Variants in ARHGAP32 observed in about 807,000 individuals in gnomAD.
ARHGAP32 encodes the protein Rho GTPase activating protein 32, also known as rho GTPase-activating protein 32.
Under a neutral mutation model 186.5 loss-of-function variants are expected in ARHGAP32, and 51 were observed. The ratio of observed to expected loss-of-function variants is 0.27; its 90% CI spans 0.22 to 0.35. The LOEUF (loss-of-function observed/expected upper bound fraction) is 0.35. Ranked by LOEUF, ARHGAP32 falls within the 10% of genes least tolerant of loss-of-function variation. The pLI is 1.00. For missense variants in ARHGAP32, 2,186 were observed against 2,623.5 expected, an observed-to-expected ratio of 0.83 and a Z score of 3.64; for synonymous variants, 950 against 964.3, an observed-to-expected ratio of 0.99 and a Z score of 0.27.
chr11:129,136,332 C>T (rs1056200798), intron 2 of ARHGAP32, among the ~76,000 whole-genome samples: 1 of 152,058 alleles, frequency 6.6e-6, no homozygotes, highest in Non-Finnish European at 1.5e-5. Context: ...ACAACGATTA[C>T]CTTTGGTGGG....
chr11:129,159,578 A>G (rs753171034), intron 2 of ARHGAP32, among the ~76,000 whole-genome samples: 46 of 152,048 alleles, frequency 3.0e-4, no homozygotes, highest in Non-Finnish European at 6.6e-4. Context: ...AGTAATTAAT[A>G]GCCTACCTAC....
At chr11:129,227,015 C>T (rs926776464) in intron 1 of ARHGAP32, among the ~76,000 whole-genome samples, 1 of 151,912 alleles carries the variant, frequency 6.6e-6, no homozygotes, top group African/African-American at 2.4e-5. Flanking sequence ...TTCTTTTCTT[C>T]TTCTACCTAA....
At position 129,123,581 on chromosome 11, in the gene ARHGAP32, A is replaced by G; in HGVS notation, c.360-51T>C. ...ACGAGATAGTGAAACAGTAAAAATT[A>G]CTAAGTTTAAGGGAAAAATACAGTG... is the stretch of plus-strand genomic sequence containing the variant. On this transcript the variant is annotated intron_variant, in intron 4 of 22. Transcript: ENST00000682385. This position sits in a 1 kb window ranked among gnomAD's most constrained non-coding sequence, Gnocchi z 4.6. 6.6e-7 allele frequency: 1 copy of G among 1,523,866 alleles called. No individual in the cohort carries two copies. The highest frequency in any genetic ancestry group is 1.4e-5 in the African/African-American group (1 of 73,014). The allele number at this position is 1,523,866 out of a possible 1,614,324, so 94.4% of individuals were successfully genotyped here.
intron 11 of ARHGAP32, among the ~76,000 whole-genome samples, chr11:129,032,189 A>G (rs922914174): frequency 6.6e-6 from 1 of 152,234 alleles, no homozygotes; most frequent in Non-Finnish European, 1.5e-5. Flanking sequence ...ATGGATGGCA[A>G]CGGTAAAAGA....
intron 1 of ARHGAP32, among the ~76,000 whole-genome samples, chr11:129,216,064 G>T (rs537275401): frequency 2.8e-4 from 43 of 152,222 alleles, no homozygotes; most frequent in African/African-American, 9.9e-4. Flanking sequence ...GGCAAGGAAA[G>T]AATTCTCACC....
intron 11 of ARHGAP32, among the ~76,000 whole-genome samples, chr11:129,000,783 C>A (rs2134750100): frequency 6.6e-6 from 1 of 152,136 alleles, no homozygotes; most frequent in Admixed American, 6.5e-5. Context: ...GGCTTATTAC[C>A]CTTTCTGGCC....
In ARHGAP32 at chr11:128,995,179, T is replaced by C. The variant is rs550638602; in HGVS notation, c.1195+3140A>G. Among the ~76,000 whole-genome samples the C allele has an allele frequency of 6.6e-5, 10 of 152,286 alleles. No homozygotes were observed. In the South Asian group the frequency reaches 1.9e-3, roughly 28 times the overall value. ...TATCTACCATTTATAGATAATATTT[T>C]TCAGGTTCCTACACTGTATTCAAAC... On this transcript the variant is annotated intron_variant, in intron 12 of 22. Transcript: ENST00000682385.
In ARHGAP32 at chr11:129,076,086, C is replaced by T. The variant is rs918189260; in HGVS notation, c.532-9218G>A. Among the ~76,000 whole-genome samples the T allele has an allele frequency of 7.2e-5, 11 of 152,120 alleles. 1 individual carries two copies. Among genetic ancestry groups the T allele is most frequent in the East Asian group, 1.9e-4 (1 of 5,190 alleles). On this transcript the variant is annotated intron_variant, in intron 6 of 22. Transcript: ENST00000682385. ...ATACACTAATTATAATGTACTAGCA[C>T]GCTAAAAGACACTCCCACCAGCACC...
chr11:129,252,751 G>A (rs2135694301), intron 1 of ARHGAP32, among the ~76,000 whole-genome samples: 1 of 152,300 alleles, frequency 6.6e-6, no homozygotes, highest in East Asian at 1.9e-4. Context: ...AAGAACCACA[G>A]TCTCGGGGAG....
rs183875843 is a variant in ARHGAP32 at position 129,089,380 on chromosome 11, T to C, written c.531+4241A>G. On this transcript the variant is annotated intron_variant, in intron 6 of 22. Transcript: ENST00000682385. ...CTGAAGAAATAAGGAGGGATCTACT[T>C]CACATAGGGTCAGAAACAGCCTTTC... Among the ~76,000 whole-genome samples the C allele has an allele frequency of 3.9e-5, 6 of 152,316 alleles. No homozygotes were observed. The East Asian group carries it at 1.2e-3, about 29-fold the overall frequency.
chr11:128,971,957 A>T (rs895850506), intron 22 of ARHGAP32: 1 of 152,388 alleles, frequency 6.6e-6, no homozygotes, highest in Non-Finnish European at 1.5e-5. Context: ...ATCCCAAGGC[A>T]CTATAATCTC....
At chr11:129,042,650 C>T (rs947853411) in intron 10 of ARHGAP32, among the ~76,000 whole-genome samples, 4 of 152,060 alleles carry the variant, frequency 2.6e-5, no homozygotes, top group South Asian at 2.1e-4. Context: ...GTTTGGAAAG[C>T]GATTATAAAA....
intron 8 of ARHGAP32, 98 bp from the exon 9 acceptor site, chr11:129,064,122 A>G (rs1054879796): frequency 3.7e-5 from 43 of 1,155,580 alleles, no homozygotes; most frequent in Non-Finnish European, 4.6e-5. Flanking sequence ...TAGAGATACA[A>G]TAACCCAAAG....
intron 2 of ARHGAP32, among the ~76,000 whole-genome samples, chr11:129,146,256 T>C (rs1475262972): frequency 6.6e-6 from 1 of 152,176 alleles, no homozygotes; most frequent in African/African-American, 2.4e-5. Flanking sequence ...TTTCACCTTA[T>C]CTATGATTTC....
At position 129,166,825 on chromosome 11, in the gene ARHGAP32, A is replaced by G. The variant is rs185635013; in HGVS notation, c.117-2398T>C. Among the ~76,000 whole-genome samples the G allele has an allele frequency of 1.2e-3, 187 of 152,294 alleles. 2 individuals are homozygous for G. The highest frequency in any genetic ancestry group is 3.4e-3 in the Middle Eastern group (1 of 294). ...GAATAAAGCACAAAAGTGGGGAAAT[A>G]TAAGTAAATACTGTATAAACATAAA... On this transcript the variant is annotated intron_variant, in intron 1 of 22. Coordinates refer to ENST00000682385, the MANE Select transcript of ARHGAP32 (RefSeq NM_001378024.1).
intron 1 of ARHGAP32, among the ~76,000 whole-genome samples, chr11:129,212,651 T>C (rs1944595310): frequency 6.6e-6 from 1 of 152,182 alleles, no homozygotes; most frequent in South Asian, 2.1e-4. Context: ...CAATAGTACA[T>C]AGTCTAGTAC....
intron 2 of ARHGAP32, among the ~76,000 whole-genome samples, chr11:129,129,349 G>A (rs1256072048): frequency 1.5e-4 from 22 of 150,636 alleles, no homozygotes; most frequent in African/African-American, 4.4e-4. Flanking sequence ...CCCTCCGCCC[G>A]GCAGCCGCCC....
At chr11:128,998,586 TA>T in intron 11 of ARHGAP32, 118 bp from the exon 12 acceptor site, 1 of 629,054 alleles carries the variant, frequency 1.6e-6, no homozygotes, top group Non-Finnish European at 2.4e-6. Context: ...GAATATACTT[TA>T]TAATCTTTAG....
At chr11:128,995,380 A>AT (rs954591255) in intron 12 of ARHGAP32, among the ~76,000 whole-genome samples, 9 of 151,844 alleles carry the variant, frequency 5.9e-5, no homozygotes, top group South Asian at 2.1e-4. Flanking sequence ...CTCGTTTTGT[A>AT]TTTTTTTCTG....
Sources: gnomAD v4.1 joint callset for allele counts (sites outside exome capture counted in the v4.1 genomes callset) on GRCh38, gnomAD v4.1.1 for gene constraint, Gnocchi (gnomAD v3.1) non-coding constraint, MANE v1.5 for transcripts, NCBI Gene and HGNC (gene_info 2026-07-23, HGNC 2026-07-21) for gene names.